ST6GAL2: variants seen among roughly 807,000 people sequenced by gnomAD.
ST6GAL2 encodes ST6 beta-galactoside alpha-2,6-sialyltransferase 2.
In ST6GAL2, 24 loss-of-function variants were observed where a neutral mutation model predicts 37.5. That is an observed-to-expected ratio of 0.64 (90% CI 0.46 to 0.90). ST6GAL2 has a LOEUF of 0.90. Among genes scored for constraint, ST6GAL2 ranks in the 40% least tolerant of loss-of-function variants. ST6GAL2 has a pLI of 0.00. For synonymous variants in ST6GAL2, 306 were observed against 295.1 expected, an observed-to-expected ratio of 1.04 and a Z score of -0.38; for missense variants, 715 against 712.7, an observed-to-expected ratio of 1.00 and a Z score of -0.04.
chr2:106,843,840 C>A lies in ST6GAL2; in HGVS notation c.138G>T (p.Leu46=). ...AEPVPSSLSF[L]ETRRLLPVQG... ...GCACCGGCAGGAGCCTCCTGGTCTC[C>A]AGGAAGGAGAGGGAGCTGGGTACAG... Residue 46 remains leucine (L), a synonymous_variant, in exon 2 of 6, where the codon CTG becomes CTT. Coordinates refer to ENST00000409382, the MANE Select transcript of ST6GAL2 (RefSeq NM_001142351.2). 1 of 1,612,374 alleles carries A rather than the reference C, an allele frequency of 6.2e-7. No individual in the cohort carries two copies. Among genetic ancestry groups the A allele is most frequent in the Non-Finnish European group, 8.5e-7 (1 of 1,179,652 alleles).
chr2:106,883,296 C>T (rs1180331811), intron 1 of ST6GAL2, among the ~76,000 whole-genome samples: 2 of 152,138 alleles, frequency 1.3e-5, no homozygotes, highest in South Asian at 2.1e-4. Flanking sequence ...CTGATATCTT[C>T]GCATTGTGTA....
intron 1 of ST6GAL2, among the ~76,000 whole-genome samples, chr2:106,871,034 CA>C (rs994112934): frequency 6.6e-6 from 1 of 152,148 alleles, no homozygotes; most frequent in African/African-American, 2.4e-5. Flanking sequence ...CATGTACTCA[CA>C]AAAAATCTAG....
At chr2:106,824,674 T>C (rs1221056864) in intron 5 of ST6GAL2, among the ~76,000 whole-genome samples, 3 of 152,166 alleles carry the variant, frequency 2.0e-5, no homozygotes, top group African/African-American at 7.2e-5. Context: ...TGCTGGAATA[T>C]AGGATTTAAT....
intron 4 of ST6GAL2, 80 bp from the exon 5 acceptor site, chr2:106,830,320 G>T: frequency 8.4e-7 from 1 of 1,194,296 alleles, no homozygotes; most frequent in Non-Finnish European, 1.2e-6. Context: ...GTTGATTTGA[G>T]GCAGAGGGGC....
chr2:106,809,659 A>G (rs1021009395), intron 5 of ST6GAL2, among the ~76,000 whole-genome samples: 2 of 152,192 alleles, frequency 1.3e-5, no homozygotes, highest in Non-Finnish European at 2.9e-5. Flanking sequence ...CCAGAAATTC[A>G]GGTTCTATTG....
At chr2:106,826,403 A>C (rs1041650011) in intron 5 of ST6GAL2, among the ~76,000 whole-genome samples, 1 of 152,022 alleles carries the variant, frequency 6.6e-6, no homozygotes, top group South Asian at 2.1e-4. Flanking sequence ...ACATGCTCTC[A>C]AATAACCAAA....
At chr2:106,855,820 A>G (rs1677552280) in intron 1 of ST6GAL2, among the ~76,000 whole-genome samples, 1 of 152,232 alleles carries the variant, frequency 6.6e-6, no homozygotes, top group Non-Finnish European at 1.5e-5. Flanking sequence ...CAATCCCCTT[A>G]AGTGACAATT....
At chr2:106,876,971 A>G (rs914354038) in intron 1 of ST6GAL2, among the ~76,000 whole-genome samples, 9 of 152,138 alleles carry the variant, frequency 5.9e-5, no homozygotes, top group Non-Finnish European at 1.5e-5. Flanking sequence ...CAGGACTCCA[A>G]AGAGTCTATT....
chr2:106,824,307 G>T (rs2104448559), intron 5 of ST6GAL2, among the ~76,000 whole-genome samples: 1 of 152,270 alleles, frequency 6.6e-6, no homozygotes, highest in Non-Finnish European at 1.5e-5. Flanking sequence ...GAAACAAAAA[G>T]AATAATTGTA....
chr2:106,877,188 C>T (rs1224983553), intron 1 of ST6GAL2, among the ~76,000 whole-genome samples: 2 of 152,138 alleles, frequency 1.3e-5, no homozygotes, highest in Non-Finnish European at 2.9e-5. Flanking sequence ...CCTCTTATGG[C>T]CTTCTGTGAT....
chr2:106,857,426 A>G (rs1201600480), intron 1 of ST6GAL2, among the ~76,000 whole-genome samples: 1 of 152,102 alleles, frequency 6.6e-6, no homozygotes. Context: ...AACATGCTGA[A>G]ACCCTGTCTC....
intron 2 of ST6GAL2, chr2:106,834,843 T>A (rs1292993882): frequency 6.6e-6 from 1 of 152,286 alleles, no homozygotes; most frequent in Non-Finnish European, 1.5e-5. Flanking sequence ...TCTTATGTTC[T>A]ATAACCACAC....
chr2:106,806,721 G>T lies in ST6GAL2; in HGVS notation c.1547C>A (p.Ala516Glu), dbSNP rs200325346. The T allele has an allele frequency of 9.3e-6, 15 of 1,614,124 alleles. No individual in the cohort carries two copies. The East Asian group carries it at 3.3e-4, about 36-fold the overall frequency. Reference sequence around the variant, plus strand: ...TGGACTTGGTGCAGGGCAGTGCACCGCCTGGAAGCCGGGAAGAACCACCTT... The same window carrying T: ...TGGACTTGGTGCAGGGCAGTGCACCTCCTGGAAGCCGGGAAGAACCACCTT... ...KGKVVLPGFQAVHCPAPSPVI... is the reference protein window; with the variant it reads ...KGKVVLPGFQEVHCPAPSPVI... Residue 516 changes from alanine (A) to glutamate (E), a missense_variant, in exon 6 of 6, where the codon GCG becomes GAG. By Grantham distance (107) the Ala-to-Glu change is moderately radical. This residue lies in a region of ST6GAL2 where 198 missense variants were observed against 203.6 expected (regional missense o/e 0.97). Coordinates refer to ENST00000409382, the MANE Select transcript of ST6GAL2 (RefSeq NM_001142351.2).
intron 5 of ST6GAL2, 65 bp from the exon 6 acceptor site, chr2:106,807,014 G>C: frequency 7.1e-7 from 1 of 1,413,314 alleles, no homozygotes; most frequent in Non-Finnish European, 9.6e-7. Context: ...GAGTTTTTTG[G>C]GGGAGGGGTG....
intron 1 of ST6GAL2, among the ~76,000 whole-genome samples, chr2:106,871,853 T>C (rs912817480): frequency 6.6e-6 from 1 of 152,240 alleles, no homozygotes; most frequent in African/African-American, 2.4e-5. Flanking sequence ...CTTTCTTTTT[T>C]ATTAATTAGA....
intron 2 of ST6GAL2, among the ~76,000 whole-genome samples, chr2:106,836,944 C>CAAAA (rs10700905): frequency 2.3e-5 from 2 of 85,710 alleles, no homozygotes; most frequent in African/African-American, 5.2e-5. Flanking sequence ...AATTCCATCT[C>CAAAA]AAAAAAAAAA....
At chr2:106,841,034 G>C (rs943296186) in intron 2 of ST6GAL2, 1 of 152,182 alleles carries the variant, frequency 6.6e-6, no homozygotes, top group Non-Finnish European at 1.5e-5. Flanking sequence ...TCTGGCTTTG[G>C]CTACAAGCTT....
chr2:106,866,518 G>A (rs1337968755), intron 1 of ST6GAL2, among the ~76,000 whole-genome samples: 3 of 152,210 alleles, frequency 2.0e-5, no homozygotes, highest in African/African-American at 4.8e-5. Flanking sequence ...GACTCAAAAC[G>A]AGTGCAAGGT....
chr2:106,881,597 A>C (rs887948945), intron 1 of ST6GAL2, among the ~76,000 whole-genome samples: 6 of 152,230 alleles, frequency 3.9e-5, no homozygotes, highest in Non-Finnish European at 8.8e-5. Context: ...AAGCTATTGG[A>C]TTATCTAAGA....
Sources: gnomAD v4.1 joint callset for allele counts (sites outside exome capture counted in the v4.1 genomes callset) on GRCh38, gnomAD v4.1.1 for gene constraint, gnomAD v4.1.1 regional missense constraint, MANE v1.5 for transcripts, NCBI Gene and HGNC (gene_info 2026-07-23, HGNC 2026-07-21) for gene names.